The following SLC44A5 variants were observed in gnomAD, a reference collection of about 807,000 sequenced individuals.
SLC44A5 encodes choline transporter-like protein 5.
Under a neutral mutation model 101.8 loss-of-function variants are expected in SLC44A5, and 57 were observed. The observed-to-expected ratio is 0.56, with a 90% CI of 0.45 to 0.70. The LOEUF (loss-of-function observed/expected upper bound fraction) is 0.70. SLC44A5 is among the 30% of genes least tolerant of loss of function. The probability of loss-of-function intolerance (pLI) is 0.00; values close to 1 mark genes in which losing one functional copy is unlikely to be tolerated. For synonymous variants in SLC44A5, 281 were observed against 290.9 expected, an observed-to-expected ratio of 0.97 and a Z score of 0.35; for missense variants, 737 against 853.1, an observed-to-expected ratio of 0.86 and a Z score of 1.70.
chr1:75,398,347 A>C, intron 2 of SLC44A5: 1 of 984,944 alleles, frequency 1.0e-6, no homozygotes, highest in Non-Finnish European at 1.2e-6. Flanking sequence ...TAAACTAGTA[A>C]ATTTCACCTG....
At chr1:75,375,144 C>G (rs1445059383) in intron 3 of SLC44A5, among the ~76,000 whole-genome samples, 1 of 152,038 alleles carries the variant, frequency 6.6e-6, no homozygotes, top group African/African-American at 2.4e-5. Flanking sequence ...GACAACAGAG[C>G]CATTTTAAGT....
intron 1 of SLC44A5, among the ~76,000 whole-genome samples, chr1:75,589,893 C>T (rs1674247606): frequency 6.6e-6 from 1 of 152,124 alleles, no homozygotes; most frequent in African/African-American, 2.4e-5. Flanking sequence ...GGGAATTGTC[C>T]ATCTCAGCAG....
intron 2 of SLC44A5, among the ~76,000 whole-genome samples, chr1:75,463,289 A>G (rs4949859): frequency 0.58 from 87,948 of 151,454 alleles, 26,248 homozygotes; most frequent in East Asian, 0.97. Flanking sequence ...GCGCGGTGGC[A>G]GGCGCCTGTA....
At chr1:75,237,522 G>A (rs1470392289) in intron 10 of SLC44A5, among the ~76,000 whole-genome samples, 1 of 152,022 alleles carries the variant, frequency 6.6e-6, no homozygotes, top group African/African-American at 2.4e-5. Flanking sequence ...AATTATCAAA[G>A]TGAACACATT....
At chr1:75,311,587 G>C (rs911054310) in intron 4 of SLC44A5, 13 of 984,412 alleles carry the variant, frequency 1.3e-5, no homozygotes, top group African/African-American at 1.7e-5. Flanking sequence ...GGCCTTCAAA[G>C]ACTCTAATTT....
upstream of SLC44A5, among the ~76,000 whole-genome samples, chr1:75,611,436 A>G (rs961132505): frequency 6.6e-6 from 1 of 152,140 alleles, no homozygotes; most frequent in African/African-American, 2.4e-5. Flanking sequence ...AAATCATCCA[A>G]TATACCCCAT....
At chr1:75,423,673 A>G (rs969510949) in intron 2 of SLC44A5, among the ~76,000 whole-genome samples, 1 of 152,226 alleles carries the variant, frequency 6.6e-6, no homozygotes, top group Non-Finnish European at 1.5e-5. Context: ...AATTGCGAGC[A>G]GCTCCATACT....
intron 2 of SLC44A5, among the ~76,000 whole-genome samples, chr1:75,440,591 G>C (rs9787336): frequency 2.0e-5 from 3 of 152,092 alleles, no homozygotes; most frequent in African/African-American, 7.2e-5. Flanking sequence ...GTTTTGATCA[G>C]AGCCATCTCG....
At chr1:75,300,731 A>G (rs558565963) in intron 4 of SLC44A5, 46 bp from the exon 5 acceptor site, 1 of 1,326,974 alleles carries the variant, frequency 7.5e-7, no homozygotes, top group Non-Finnish European at 1.0e-6. Context: ...GTCCCAAATG[A>G]CTTCCTGTTT....
intron 2 of SLC44A5, among the ~76,000 whole-genome samples, chr1:75,466,918 G>A (rs573574021): frequency 2.0e-4 from 31 of 152,194 alleles, no homozygotes; most frequent in Non-Finnish European, 3.4e-4. Flanking sequence ...CAGATGATAT[G>A]ATTTTGTATT....
intron 1 of SLC44A5, among the ~76,000 whole-genome samples, chr1:75,579,458 A>G (rs1042556263): frequency 2.0e-5 from 3 of 152,322 alleles, no homozygotes; most frequent in African/African-American, 7.2e-5. Flanking sequence ...AAATAAGTAA[A>G]TAAATAAACA....
chr1:75,446,659 C>G (rs978333241), intron 2 of SLC44A5, among the ~76,000 whole-genome samples: 1 of 151,908 alleles, frequency 6.6e-6, no homozygotes, highest in African/African-American at 2.4e-5. Flanking sequence ...TACACACACA[C>G]ACACACACAC....
chr1:75,427,500 T>A (rs1664380624), intron 2 of SLC44A5, among the ~76,000 whole-genome samples: 1 of 152,196 alleles, frequency 6.6e-6, no homozygotes, highest in Admixed American at 6.5e-5. Flanking sequence ...ATTTCACACC[T>A]CTGATATGCC....
chr1:75,346,444 TA>T (rs1658262264), intron 3 of SLC44A5, among the ~76,000 whole-genome samples: 1 of 152,026 alleles, frequency 6.6e-6, no homozygotes. Context: ...AAAAAATATA[TA>T]AAGCACTCAG....
chr1:75,587,402 C>T lies in SLC44A5; in HGVS notation c.-70+23638G>A, dbSNP rs192912576. Among the ~76,000 whole-genome samples, 273 of 152,298 alleles carry T rather than the reference C, an allele frequency of 1.8e-3. 1 individual carries two copies. The highest frequency in any genetic ancestry group is 6.0e-3 in the African/African-American group (251 of 41,550). On this transcript the variant is annotated intron_variant, in intron 1 of 23. Transcript: ENST00000370859. The stretch of plus-strand genomic sequence containing the variant: ...AGGGCTCAAGTTAGTGGTTGATTAG[C>T]AGTAAAATGTATTCTTACCCTGAGC...
chr1:75,483,133 A>G (rs1172800739), intron 2 of SLC44A5, among the ~76,000 whole-genome samples: 3 of 152,226 alleles, frequency 2.0e-5, no homozygotes, highest in African/African-American at 7.2e-5. Flanking sequence ...GAGACAGGAA[A>G]TGGCTTGCCA....
At chr1:75,555,794 T>C (rs934139528) in intron 1 of SLC44A5, among the ~76,000 whole-genome samples, 1 of 152,132 alleles carries the variant, frequency 6.6e-6, no homozygotes, top group East Asian at 1.9e-4. Context: ...AGATACTTCA[T>C]GTAATAAAAT....
chr1:75,222,452 G>A lies in SLC44A5; in HGVS notation c.994C>T (p.Leu332Phe), dbSNP rs764207810. 6.2e-7 allele frequency: 1 copy of A among 1,606,464 alleles called. No individual in the cohort carries two copies. Residue 332 changes from leucine (L) to phenylalanine (F), a missense_variant, in exon 14 of 24, where the codon CTC (leucine) becomes TTC (phenylalanine). Physicochemically the swap from Leu to Phe is conservative, Grantham distance 22 (BLOSUM62 0). Around this residue, in one of 3 missense-constraint regions of SLC44A5, gnomAD observed 665 missense variants for 764.4 expected, o/e 0.87. Coordinates refer to ENST00000370859, the MANE Select transcript of SLC44A5 (RefSeq NM_001130058.2). ...ATGACAATCACTTCAATGATGCAGA[G>A]TATTATCACTTTGAACAGGAAAAAA... ...QQTWFTFMII[L>F]CIIEVIVILM... is the part of the protein sequence containing the mutation.
At chr1:75,251,467 T>A (rs1649569269) in intron 6 of SLC44A5, among the ~76,000 whole-genome samples, 173 bp from the exon 7 acceptor site, 1 of 152,282 alleles carries the variant, frequency 6.6e-6, no homozygotes, top group Middle Eastern at 3.4e-3. Context: ...TCTTTTTTTT[T>A]AATAGTAAAA....
Sources: allele counts gnomAD v4.1 joint callset (sites outside exome capture counted in the v4.1 genomes callset), GRCh38; gene constraint gnomAD v4.1.1; regional missense constraint gnomAD v4.1.1; transcripts MANE v1.5; gene names NCBI Gene and HGNC (gene_info 2026-07-23, HGNC 2026-07-21).